The following USO1 variants were observed in gnomAD, a reference collection of about 807,000 sequenced individuals.
USO1 encodes the protein general vesicular transport factor p115.
In USO1, 57 loss-of-function variants were observed where a neutral mutation model predicts 124.5. That is an observed-to-expected ratio of 0.46 (90% CI 0.37 to 0.57). USO1 has a LOEUF of 0.57. Ranked by LOEUF, USO1 falls within the 20% of genes least tolerant of loss-of-function variation. USO1 has a pLI of 0.00. For missense variants in USO1, 900 were observed against 1,040.6 expected, an observed-to-expected ratio of 0.86 and a Z score of 1.86; for synonymous variants, 369 against 362.8, an observed-to-expected ratio of 1.02 and a Z score of -0.19.
chr4:75,748,727 A>G (rs1403516471), intron 1 of USO1, among the ~76,000 whole-genome samples: 1 of 152,164 alleles, frequency 6.6e-6, no homozygotes, highest in Non-Finnish European at 1.5e-5. Context: ...CTTGAGGTCT[A>G]AGACTAAGAA....
intron 10 of USO1, among the ~76,000 whole-genome samples, chr4:75,788,291 C>G (rs1722424860): frequency 6.6e-6 from 1 of 151,180 alleles, no homozygotes; most frequent in Non-Finnish European, 1.5e-5. Context: ...CCTCAGCCTC[C>G]TGAGTAGCTG....
At chr4:75,739,530 A>ATCTTTT (rs1283838034) in intron 1 of USO1, among the ~76,000 whole-genome samples, 1 of 122,698 alleles carries the variant, frequency 8.2e-6, no homozygotes, top group African/African-American at 2.9e-5. Flanking sequence ...TTTGTATTTT[A>ATCTTTT]TCTTTTTCTT....
chr4:75,765,137 A>T (rs543400469), intron 4 of USO1, among the ~76,000 whole-genome samples: 15 of 152,354 alleles, frequency 9.8e-5, no homozygotes, highest in African/African-American at 3.4e-4. Context: ...AATGGAAACT[A>T]GCCCTACAAA....
intron 7 of USO1, among the ~76,000 whole-genome samples, chr4:75,774,137 A>C (rs1577952869): frequency 6.6e-6 from 1 of 152,194 alleles, no homozygotes; most frequent in Non-Finnish European, 1.5e-5. Context: ...CTTGTGTTGG[A>C]CATGCCATTC....
intron 1 of USO1, chr4:75,729,878 A>T: frequency 2.8e-6 from 1 of 360,080 alleles, no homozygotes; most frequent in South Asian, 2.1e-5. Flanking sequence ...ACACAGCCAT[A>T]TTTTCTTTTA....
chr4:75,760,469 T>C (rs1272164969), intron 4 of USO1: 1 of 373,492 alleles, frequency 2.7e-6, no homozygotes, highest in Non-Finnish European at 4.8e-6. Context: ...GGATCTCTTC[T>C]TCCAAAGGAT....
intron 10 of USO1, 24 bp from the exon 11 acceptor site, chr4:75,790,126 C>A (rs1722488413): frequency 6.6e-7 from 1 of 1,508,374 alleles, no homozygotes; most frequent in Non-Finnish European, 8.9e-7. Context: ...TCTAAATGTT[C>A]TTTTTCTTTC....
At chr4:75,736,236 A>G (rs1720785324) in intron 1 of USO1, among the ~76,000 whole-genome samples, 1 of 148,670 alleles carries the variant, frequency 6.7e-6, no homozygotes, top group Non-Finnish European at 1.5e-5. Context: ...ATATACAAAT[A>G]TATATTTGTA....
Position 75,739,538 on chromosome 4 carries a change from CTTTTTTTTT to C in USO1, c.67-12823_67-12815del, listed in dbSNP as rs753369609. Among the ~76,000 whole-genome samples, 13 of 105,434 alleles carry C rather than the reference CTTTTTTTTT, an allele frequency of 1.2e-4. No homozygotes were observed. In the South Asian group the frequency reaches 3.2e-3, roughly 26 times the overall value. 69.2% of individuals were successfully genotyped at this position (105,434 alleles called of 152,430 possible). ...TTGCATTTTTGTATTTTATCTTTTT[CTTTTTTTTT>C]TTTTTTTTTTTGAGACAGAGTCTGA... On this transcript the variant is annotated intron_variant, in intron 1 of 23. Transcript: ENST00000514213.
chr4:75,726,049 A>G (rs1231075655), intron 1 of USO1, among the ~76,000 whole-genome samples: 2 of 152,204 alleles, frequency 1.3e-5, no homozygotes, highest in Non-Finnish European at 2.9e-5. Flanking sequence ...TGGGAGGCTG[A>G]GGCCGGCGGA....
intron 1 of USO1, 49 bp downstream of exon 1, chr4:75,724,934 C>T (rs201349953): frequency 4.0e-5 from 64 of 1,602,792 alleles, no homozygotes; most frequent in South Asian, 3.2e-4. Flanking sequence ...CGGGCAGGGA[C>T]GGGGACGGAG....
At chr4:75,772,526 C>T (rs935052196) in intron 7 of USO1, among the ~76,000 whole-genome samples, 1 of 152,024 alleles carries the variant, frequency 6.6e-6, no homozygotes, top group Non-Finnish European at 1.5e-5. Context: ...CGTGAGCCAC[C>T]GCGCCCGGCC....
chr4:75,737,529 A>T (rs1016398023), intron 1 of USO1, among the ~76,000 whole-genome samples: 1 of 60,898 alleles, frequency 1.6e-5, no homozygotes, highest in South Asian at 6.3e-4. Flanking sequence ...GATGTTTTTC[A>T]AGAAAAGATA....
chr4:75,734,110 T>A (rs1374298909), intron 1 of USO1, among the ~76,000 whole-genome samples: 1 of 151,826 alleles, frequency 6.6e-6, no homozygotes, highest in Non-Finnish European at 1.5e-5. Flanking sequence ...CACACCCAGA[T>A]AATTTTTGTA....
intron 8 of USO1, among the ~76,000 whole-genome samples, chr4:75,775,530 CT>C (rs1315844658): frequency 6.6e-6 from 1 of 152,078 alleles, no homozygotes; most frequent in Non-Finnish European, 1.5e-5. Context: ...CAGAATGAGA[CT>C]CTGCCTCAAA....
At chr4:75,768,012 CT>C (rs1222311171) in intron 4 of USO1, among the ~76,000 whole-genome samples, 3 of 151,386 alleles carry the variant, frequency 2.0e-5, no homozygotes, top group East Asian at 1.9e-4. Flanking sequence ...TCTTTAATTT[CT>C]TTTTTTTTCT....
rs1306390826 is a variant in USO1, at chr4:75,778,022, A to G, written c.676+3226A>G. Reference sequence around the variant, plus strand: ...AGCAATGAAAAGAAAAGAGTTATCAAACCATGAAAGGACATAAAGGAACCA... The same window carrying G: ...AGCAATGAAAAGAAAAGAGTTATCAGACCATGAAAGGACATAAAGGAACCA... On this transcript the variant is annotated intron_variant, in intron 8 of 23. Coordinates refer to ENST00000514213, the MANE Select transcript of USO1 (RefSeq NM_003715.4). Among the ~76,000 whole-genome samples, 3 of 152,368 alleles carry G rather than the reference A, an allele frequency of 2.0e-5. No homozygotes were observed. In the East Asian group the frequency reaches 5.8e-4, roughly 29 times the overall value.
Position 75,813,889 on chromosome 4 carries a change from G to A in USO1, c.*594G>A, listed in dbSNP as rs550265572. ...CATTCCATACCTCAGTGAAGAAGCC[G>A]AAGGATGCTGACACACAGTGATGTG... On this transcript the variant is annotated 3_prime_UTR_variant, in exon 24 of 24. Coordinates refer to ENST00000514213, the MANE Select transcript of USO1 (RefSeq NM_003715.4). 1.3e-5 allele frequency: 2 copies of A among 152,354 alleles called. No homozygotes were observed. Among genetic ancestry groups the A allele is most frequent in the South Asian group, 2.1e-4 (1 of 4,826 alleles). The allele number at this position is 152,354 out of a possible 1,614,324, so 9.4% of individuals were successfully genotyped here.
At position 75,724,741 on chromosome 4, in the gene USO1, C is replaced by T; in HGVS notation, c.-79C>T. ...AGTGTGTAGAGTGCGGGATTGGGGC[C>T]CAGGCCCTGCGGAGGGCGGGGGAAG... On this transcript the variant is annotated 5_prime_UTR_variant, in exon 1 of 24. Coordinates refer to ENST00000514213, the MANE Select transcript of USO1 (RefSeq NM_003715.4). 1 of 1,492,530 alleles carries T rather than the reference C, an allele frequency of 6.7e-7. No homozygotes were observed. Among genetic ancestry groups the T allele is most frequent in the African/African-American group, 1.4e-5 (1 of 72,612 alleles). The allele number at this position is 1,492,530 out of a possible 1,614,324, so 92.5% of individuals were successfully genotyped here. A position where few individuals can be genotyped will look rare whatever the true frequency, so the allele number is the denominator to read the frequency against.
Sources: allele counts gnomAD v4.1 joint callset (sites outside exome capture counted in the v4.1 genomes callset), GRCh38; gene constraint gnomAD v4.1.1; transcripts MANE v1.5; gene names NCBI Gene and HGNC (gene_info 2026-07-23, HGNC 2026-07-21).